The following MEIS2 variants were observed in gnomAD, a reference collection of about 807,000 sequenced individuals.
The protein encoded by MEIS2 is Meis homeobox 2.
A neutral mutation model predicts 58.6 loss-of-function variants in MEIS2; 9 were observed. The observed-to-expected ratio is 0.15, with a 90% CI of 0.09 to 0.27. The LOEUF is 0.27. MEIS2 is among the 10% of genes least tolerant of loss of function. MEIS2 has a pLI of 1.00. For missense variants in MEIS2, 427 were observed against 635.0 expected (o/e 0.67, Z 3.52); for synonymous variants, 221 against 228.4 (o/e 0.97, Z 0.29).
intron 9 of MEIS2, among the ~76,000 whole-genome samples, chr15:36,921,782 G>A (rs2057520062): frequency 6.6e-6 from 1 of 152,068 alleles, no homozygotes; most frequent in African/African-American, 2.4e-5. Context: ...TAGATAGTCG[G>A]CACTAAAACA....
intron 7 of MEIS2, among the ~76,000 whole-genome samples, chr15:37,058,015 T>A (rs2141831442): frequency 6.6e-6 from 1 of 152,306 alleles, no homozygotes; most frequent in East Asian, 1.9e-4. Context: ...GGGATCAATG[T>A]TGGTGAGTAA....
chr15:37,052,785 A>G (rs576408579), intron 7 of MEIS2, among the ~76,000 whole-genome samples: 1 of 152,364 alleles, frequency 6.6e-6, no homozygotes, highest in East Asian at 1.9e-4. Context: ...CATTTGCTTT[A>G]TAAAAATATC....
intron 8 of MEIS2, among the ~76,000 whole-genome samples, chr15:36,955,625 ATC>A (rs1340869210): frequency 2.0e-5 from 3 of 152,100 alleles, no homozygotes; most frequent in African/African-American, 7.2e-5. Flanking sequence ...TTAATTTTGA[ATC>A]TCTCTGACTC....
chr15:37,010,541 C>T (rs530056348), intron 8 of MEIS2, among the ~76,000 whole-genome samples: 12 of 152,162 alleles, frequency 7.9e-5, no homozygotes, highest in Admixed American at 6.5e-4. Context: ...TGCCACCATG[C>T]CTTCCTAATT....
intron 7 of MEIS2, among the ~76,000 whole-genome samples, chr15:37,081,725 C>T (rs937734728): frequency 8.6e-5 from 13 of 151,926 alleles, no homozygotes; most frequent in African/African-American, 2.9e-4. Context: ...GACTGACTTC[C>T]TAGTACTCAT....
intron 8 of MEIS2, among the ~76,000 whole-genome samples, chr15:37,026,219 C>G (rs2061699668): frequency 6.6e-6 from 1 of 152,116 alleles, no homozygotes; most frequent in Non-Finnish European, 1.5e-5. Context: ...AGGGAATAAT[C>G]TAGCATTCAT....
intron 7 of MEIS2, among the ~76,000 whole-genome samples, chr15:37,064,702 C>T (rs546347444): frequency 3.9e-5 from 6 of 152,234 alleles, no homozygotes; most frequent in East Asian, 3.9e-4. Context: ...AGAACACTTA[C>T]GCATGGGAAA....
intron 9 of MEIS2, among the ~76,000 whole-genome samples, chr15:36,905,887 T>C (rs1320073678): frequency 6.6e-6 from 1 of 152,180 alleles, no homozygotes; most frequent in Non-Finnish European, 1.5e-5. Flanking sequence ...AAAATCACAA[T>C]TGGAGAACAC....
chr15:36,998,909 T>C (rs1049946549), intron 8 of MEIS2, among the ~76,000 whole-genome samples: 3 of 152,196 alleles, frequency 2.0e-5, no homozygotes, highest in Non-Finnish European at 2.9e-5. Context: ...GAAACCAAGA[T>C]TCAAATCTTA....
chr15:37,087,750 A>G lies in MEIS2; in HGVS notation c.640-3865T>C, dbSNP rs531819930. Among the ~76,000 whole-genome samples the G allele has an allele frequency of 3.9e-5, 6 of 152,152 alleles. No individual in the cohort carries two copies. The East Asian group carries it at 9.7e-4, about 25-fold the overall frequency. ...ATACACTGGAATTGTAACATTTTAA[A>G]CCATTATGGCATTTCCATGAGGGAC... On this transcript the variant is annotated intron_variant, in intron 6 of 11. Coordinates refer to ENST00000561208, the MANE Select transcript of MEIS2 (RefSeq NM_170675.5).
intron 8 of MEIS2, among the ~76,000 whole-genome samples, chr15:36,983,022 T>G (rs1008716518): frequency 2.0e-5 from 3 of 152,158 alleles, no homozygotes; most frequent in African/African-American, 7.2e-5. Context: ...TTGAGTTGTT[T>G]GAGTTCCTTA....
At chr15:36,922,779 T>C (rs2057573283) in intron 9 of MEIS2, among the ~76,000 whole-genome samples, 1 of 151,692 alleles carries the variant, frequency 6.6e-6, no homozygotes, top group Non-Finnish European at 1.5e-5. Flanking sequence ...ACCCGCCTAA[T>C]ATTTGTATTT....
chr15:37,074,303 T>G (rs1198121632), intron 7 of MEIS2, among the ~76,000 whole-genome samples: 61 of 151,996 alleles, frequency 4.0e-4, no homozygotes, highest in Non-Finnish European at 4.4e-5. Context: ...CTAGTCATAT[T>G]TTTGCCAAAC....
chr15:37,030,886 C>G (rs976120620), intron 8 of MEIS2, among the ~76,000 whole-genome samples: 5 of 152,006 alleles, frequency 3.3e-5, no homozygotes, highest in Non-Finnish European at 7.4e-5. Context: ...GGCATTCCTC[C>G]CACCTCAGCC....
chr15:37,030,184 C>T (rs1293169095), intron 8 of MEIS2, among the ~76,000 whole-genome samples: 2 of 152,148 alleles, frequency 1.3e-5, no homozygotes, highest in Non-Finnish European at 2.9e-5. Context: ...TACTCCATAG[C>T]CCATTTCTTC....
At chr15:37,012,649 T>C (rs2061204239) in intron 8 of MEIS2, among the ~76,000 whole-genome samples, 1 of 152,234 alleles carries the variant, frequency 6.6e-6, no homozygotes, top group Non-Finnish European at 1.5e-5. Flanking sequence ...ATATTTGTAA[T>C]ATCAATATGC....
At chr15:36,894,454 G>A (rs1595664802) in intron 11 of MEIS2, 2 of 244,702 alleles carry the variant, frequency 8.2e-6, no homozygotes, top group East Asian at 1.8e-4. Context: ...CTGTGTTTGT[G>A]CACATTGGGG....
chr15:37,007,362 C>CAATAAATA lies in MEIS2; in HGVS notation c.900+29444_900+29451dup, dbSNP rs578016416. Among the ~76,000 whole-genome samples the CAATAAATA allele has an allele frequency of 1.2e-4, 18 of 151,938 alleles. No homozygotes were observed. In the East Asian group the frequency reaches 2.9e-3, roughly 25 times the overall value. ...TGCGCAACATAGCAAGGTCCCATCT[C>CAATAAATA]AATAAATAAATAAATAAATAAGAAA... On this transcript the variant is annotated intron_variant, in intron 8 of 11. Transcript: ENST00000561208.
rs750280480 is a variant in MEIS2 at position 37,096,394 on chromosome 15, C to T, written c.282G>A (p.Glu94=). ...PLFPLLALVF[E]KCELATCTPR... is the part of the protein sequence containing the mutation. ...GAGTGCAGGTCGCCAGCTCGCACTTCTCAAAGACCAGAGCTAACAGAGGAA... is the reference window on the plus strand; with the variant it reads ...GAGTGCAGGTCGCCAGCTCGCACTTTTCAAAGACCAGAGCTAACAGAGGAA... Residue 94 remains glutamate, a synonymous_variant, in exon 3 of 12, where the codon GAG becomes GAA. Transcript: ENST00000561208. The T allele has an allele frequency of 1.9e-6, 3 of 1,614,062 alleles. No individual in the cohort carries two copies. Among genetic ancestry groups the T allele is most frequent in the African/African-American group, 1.3e-5 (1 of 75,064 alleles).
Sources: allele counts gnomAD v4.1 joint callset (sites outside exome capture counted in the v4.1 genomes callset), GRCh38; gene constraint gnomAD v4.1.1; transcripts MANE v1.5; gene names NCBI Gene and HGNC (gene_info 2026-07-23, HGNC 2026-07-21).